SRD5A2: variants seen among roughly 807,000 people sequenced by gnomAD.
SRD5A2 encodes the protein steroid 5 alpha-reductase 2.
In SRD5A2, 30 loss-of-function variants were observed where a neutral mutation model predicts 27.4. The ratio of observed to expected loss-of-function variants is 1.10; its 90% confidence interval spans 0.82 to 1.49. SRD5A2 has a LOEUF of 1.49. Among genes scored for constraint, SRD5A2 ranks in the 40% most tolerant of loss-of-function variants. The probability of loss-of-function intolerance (pLI) is 0.00; values close to 1 mark genes in which losing one functional copy is unlikely to be tolerated. For synonymous variants in SRD5A2, 141 were observed against 133.6 expected, an observed-to-expected ratio of 1.06 and a Z score of -0.38; for missense variants, 348 against 323.4, an observed-to-expected ratio of 1.08 and a Z score of -0.58.
At chr2:31,659,541 T>C in the SRD5A2 span, among the ~76,000 whole-genome samples, 1 of 151,888 alleles carries the variant, frequency 6.6e-6, no homozygotes, top group South Asian at 2.1e-4. Flanking sequence ...ACCAACAACA[T>C]CCAAGCTGAG....
chr2:31,534,017 G>A (rs933934947), intron 1 of SRD5A2, among the ~76,000 whole-genome samples: 2 of 152,122 alleles, frequency 1.3e-5, no homozygotes, highest in Middle Eastern at 3.4e-3. Flanking sequence ...AATAAATAAT[G>A]AATAACATGT....
the SRD5A2 span, among the ~76,000 whole-genome samples, chr2:31,612,348 C>T: frequency 2.0e-5 from 3 of 148,242 alleles, no homozygotes; most frequent in South Asian, 6.4e-4. Flanking sequence ...ACAACAACAA[C>T]AAAAATGTCA....
the SRD5A2 span, among the ~76,000 whole-genome samples, chr2:31,586,288 C>G: frequency 1.6e-3 from 251 of 152,316 alleles, 2 homozygotes; most frequent in South Asian, 0.041. Context: ...GTCCCTGACT[C>G]CTAGACAACA....
At chr2:31,607,833 C>A in the SRD5A2 span, among the ~76,000 whole-genome samples, 4 of 152,008 alleles carry the variant, frequency 2.6e-5, no homozygotes, top group African/African-American at 9.7e-5. Flanking sequence ...TCTCACCCCA[C>A]CCCAGTGTGA....
At chr2:31,558,489 C>T (rs1247902363) in intron 1 of SRD5A2, among the ~76,000 whole-genome samples, 3 of 152,166 alleles carry the variant, frequency 2.0e-5, no homozygotes, top group African/African-American at 7.2e-5. Context: ...GTTTGCAGTC[C>T]TTGGCATTCC....
the SRD5A2 span, among the ~76,000 whole-genome samples, chr2:31,627,556 T>A: frequency 6.6e-6 from 1 of 152,072 alleles, no homozygotes; most frequent in African/African-American, 2.4e-5. Flanking sequence ...CTAGTTGTGA[T>A]GTTGGTTTGT....
At chr2:31,539,948 A>G (rs1228966457) in intron 1 of SRD5A2, among the ~76,000 whole-genome samples, 2 of 152,220 alleles carry the variant, frequency 1.3e-5, no homozygotes, top group African/African-American at 4.8e-5. Context: ...GAAGGTCTCA[A>G]ACTGAATTTT....
At chr2:31,655,651 C>T in the SRD5A2 span, among the ~76,000 whole-genome samples, 1 of 152,104 alleles carries the variant, frequency 6.6e-6, no homozygotes, top group African/African-American at 2.4e-5. Flanking sequence ...GATAAATCGT[C>T]CCACTCGTGT....
At chr2:31,627,806 AT>A in the SRD5A2 span, among the ~76,000 whole-genome samples, 1 of 151,826 alleles carries the variant, frequency 6.6e-6, no homozygotes, top group African/African-American at 2.4e-5. Context: ...ATTGATTTTT[AT>A]TTTTTTGGCA....
intron 1 of SRD5A2, among the ~76,000 whole-genome samples, chr2:31,535,259 A>G (rs1666002105): frequency 6.6e-6 from 1 of 152,152 alleles, no homozygotes; most frequent in African/African-American, 2.4e-5. Flanking sequence ...TGACCTCGTG[A>G]TCCACCTGCT....
At chr2:31,606,198 T>C in the SRD5A2 span, among the ~76,000 whole-genome samples, 73 of 151,742 alleles carry the variant, frequency 4.8e-4, no homozygotes, top group African/African-American at 1.6e-3. Context: ...GTACGAAATG[T>C]AGAAAGAATG....
the SRD5A2 span, among the ~76,000 whole-genome samples, chr2:31,598,641 G>A: frequency 2.2e-4 from 33 of 151,456 alleles, no homozygotes; most frequent in African/African-American, 7.5e-4. Flanking sequence ...AAGCCTCATG[G>A]TAACCTCACA....
chr2:31,615,385 G>C, the SRD5A2 span, among the ~76,000 whole-genome samples: 1 of 152,216 alleles, frequency 6.6e-6, no homozygotes, highest in Non-Finnish European at 1.5e-5. Context: ...GGCTGAGGCA[G>C]TCTCAGATGG....
At chr2:31,545,699 A>G (rs1359332629) in intron 1 of SRD5A2, among the ~76,000 whole-genome samples, 2 of 152,196 alleles carry the variant, frequency 1.3e-5, no homozygotes, top group Non-Finnish European at 2.9e-5. Context: ...ATAGTGCTAG[A>G]AGTTTTAGCC....
Position 31,568,038 on chromosome 2 carries a change from C to T in SRD5A2, c.281+12582G>A, listed in dbSNP as rs527827499. ...CAGCTCCAGATGACAGCATAAGTGC[C>T]GGCTCCATGTGAGGCTATGGTTGGA... On this transcript the variant is annotated intron_variant, in intron 1 of 4. Coordinates refer to ENST00000622030, the MANE Select transcript of SRD5A2 (RefSeq NM_000348.4). 2.6e-5 allele frequency among the ~76,000 whole-genome samples: 4 copies of T among 152,268 alleles called. No homozygotes were observed. The South Asian group carries it at 6.2e-4, about 24-fold the overall frequency.
chr2:31,615,092 T>C, the SRD5A2 span, among the ~76,000 whole-genome samples: 2 of 152,194 alleles, frequency 1.3e-5, no homozygotes, highest in Non-Finnish European at 2.9e-5. Flanking sequence ...GTGAGTCTAT[T>C]AAATTTCTTT....
upstream of SRD5A2, chr2:31,580,943 G>A (rs1417055625): frequency 3.2e-6 from 5 of 1,564,702 alleles, no homozygotes; most frequent in African/African-American, 2.7e-5. Context: ...TCCCAGAAGA[G>A]AGCGCGGCCC....
chr2:31,594,483 T>C, the SRD5A2 span, among the ~76,000 whole-genome samples: 1 of 152,130 alleles, frequency 6.6e-6, no homozygotes, highest in African/African-American at 2.4e-5. Context: ...ACAAAAAGAT[T>C]ACTCCAACAG....
the SRD5A2 span, among the ~76,000 whole-genome samples, chr2:31,629,740 A>G: frequency 6.6e-6 from 1 of 152,112 alleles, no homozygotes; most frequent in Non-Finnish European, 1.5e-5. Flanking sequence ...ACAGTTGCCC[A>G]TGCGTGCACC....
Sources: gnomAD v4.1 joint callset for allele counts (sites outside exome capture counted in the v4.1 genomes callset) on GRCh38, gnomAD v4.1.1 for gene constraint, MANE v1.5 for transcripts, NCBI Gene and HGNC (gene_info 2026-07-23, HGNC 2026-07-21) for gene names.